FRMD3: variants seen among roughly 807,000 people sequenced by gnomAD.
The protein encoded by FRMD3 is FERM domain-containing protein 3.
Under a neutral mutation model 70.2 loss-of-function variants are expected in FRMD3, and 33 were observed. The ratio of observed to expected loss-of-function variants is 0.47; its 90% confidence interval spans 0.36 to 0.63. The LOEUF is 0.63. FRMD3 is among the 20% of genes least tolerant of loss of function. The probability of loss-of-function intolerance (pLI) is 0.00; values close to 1 mark genes in which losing one functional copy is unlikely to be tolerated. For synonymous variants in FRMD3, 279 were observed against 255.9 expected, an observed-to-expected ratio of 1.09 and a Z score of -0.86; for missense variants, 632 against 711.4, an observed-to-expected ratio of 0.89 and a Z score of 1.27.
chr9:83,333,057 T>C (rs1823443972), intron 6 of FRMD3, among the ~76,000 whole-genome samples: 2 of 152,222 alleles, frequency 1.3e-5, no homozygotes, highest in Non-Finnish European at 2.9e-5. Flanking sequence ...GTAGCAGGTT[T>C]CCCAACAGAC....
At chr9:83,327,070 T>C (rs192530230) in intron 6 of FRMD3, among the ~76,000 whole-genome samples, 16 of 152,346 alleles carry the variant, frequency 1.1e-4, no homozygotes, top group Admixed American at 6.5e-4. Context: ...TTGCCAGCAA[T>C]GAGCTGGACT....
chr9:83,531,410 C>T (rs1423923906), intron 1 of FRMD3, among the ~76,000 whole-genome samples: 1 of 152,156 alleles, frequency 6.6e-6, no homozygotes, highest in African/African-American at 2.4e-5. Flanking sequence ...GAGATAAGAT[C>T]TTAGCAGACC....
chr9:83,298,676 A>G (rs1297870805), intron 12 of FRMD3, 72 bp downstream of exon 12: 4 of 1,118,610 alleles, frequency 3.6e-6, no homozygotes, highest in Non-Finnish European at 5.5e-6. Flanking sequence ...CACTACACAA[A>G]GGGATGTTAT....
intron 13 of FRMD3, among the ~76,000 whole-genome samples, chr9:83,251,363 G>A (rs1264011721): frequency 2.6e-5 from 4 of 152,104 alleles, no homozygotes; most frequent in Non-Finnish European, 4.4e-5. Flanking sequence ...TCATTCAAAG[G>A]TCAGCAACCA....
intron 2 of FRMD3, among the ~76,000 whole-genome samples, chr9:83,380,662 A>T (rs1825326210): frequency 6.6e-6 from 1 of 152,204 alleles, no homozygotes; most frequent in Non-Finnish European, 1.5e-5. Context: ...AGACAAAAAA[A>T]ATTGCATCTA....
At chr9:83,254,339 T>G (rs1421204842) in intron 13 of FRMD3, among the ~76,000 whole-genome samples, 2 of 145,892 alleles carry the variant, frequency 1.4e-5, no homozygotes, top group African/African-American at 5.0e-5. Context: ...TTTTTAATAT[T>G]TTAAAAATAT....
chr9:83,364,819 G>T (rs139571804), intron 3 of FRMD3, among the ~76,000 whole-genome samples: 1 of 151,996 alleles, frequency 6.6e-6, no homozygotes, highest in Non-Finnish European at 1.5e-5. Context: ...TTTCCCATCC[G>T]CCAACAAGTG....
chr9:83,488,972 TTGTGTG>T (rs4014025), intron 1 of FRMD3, among the ~76,000 whole-genome samples: 142 of 135,636 alleles, frequency 1.0e-3, no homozygotes, highest in African/African-American at 1.1e-3. Flanking sequence ...CCCTATACCT[TTGTGTG>T]TGTGTGTGTG....
chr9:83,554,906 C>T, the FRMD3 span, among the ~76,000 whole-genome samples: 1 of 152,120 alleles, frequency 6.6e-6, no homozygotes, highest in African/African-American at 2.4e-5. Context: ...TTCCAGTCCC[C>T]AGCCACCTGG....
intron 1 of FRMD3, among the ~76,000 whole-genome samples, chr9:83,446,375 C>A (rs1000924721): frequency 2.6e-5 from 4 of 152,118 alleles, no homozygotes; most frequent in Non-Finnish European, 4.4e-5. Flanking sequence ...TGGCCGGGCG[C>A]GGTGGCTCAC....
intron 1 of FRMD3, among the ~76,000 whole-genome samples, chr9:83,492,098 A>G (rs1286982079): frequency 6.6e-6 from 1 of 152,228 alleles, no homozygotes; most frequent in African/African-American, 2.4e-5. Flanking sequence ...AAAGTCCCAT[A>G]GACACTAAGA....
At chr9:83,298,868 G>C in intron 11 of FRMD3, 52 bp from the exon 12 acceptor site, 3 of 1,526,454 alleles carry the variant, frequency 2.0e-6, no homozygotes, top group Non-Finnish European at 2.7e-6. Context: ...AGAAGAATGG[G>C]AGGGATATGC....
intron 1 of FRMD3, among the ~76,000 whole-genome samples, chr9:83,408,687 T>C (rs1430163519): frequency 3.3e-5 from 5 of 152,240 alleles, no homozygotes; most frequent in African/African-American, 1.2e-4. Context: ...CTAAATTTTA[T>C]TTCTTCTGAC....
At chr9:83,250,838 C>T (rs1281240971) in intron 13 of FRMD3, among the ~76,000 whole-genome samples, 2 of 152,218 alleles carry the variant, frequency 1.3e-5, no homozygotes, top group Non-Finnish European at 2.9e-5. Context: ...AGCCAGGGTT[C>T]TACAGACAGA....
intron 13 of FRMD3, among the ~76,000 whole-genome samples, chr9:83,264,163 T>C (rs1201332823): frequency 6.6e-6 from 1 of 152,170 alleles, no homozygotes; most frequent in Non-Finnish European, 1.5e-5. Context: ...CATGAAAAGC[T>C]ATAGAGGAAG....
intron 3 of FRMD3, among the ~76,000 whole-genome samples, chr9:83,368,784 A>G (rs751945016): frequency 7.9e-5 from 12 of 152,204 alleles, no homozygotes; most frequent in Non-Finnish European, 1.2e-4. Context: ...AAATGGCTAA[A>G]AGCTCCTTGA....
At chr9:83,416,973 C>CA (rs1278426754) in intron 1 of FRMD3, among the ~76,000 whole-genome samples, 1 of 152,188 alleles carries the variant, frequency 6.6e-6, no homozygotes, top group Non-Finnish European at 1.5e-5. Flanking sequence ...TTCCCAACCA[C>CA]ATTCACCAAA....
chr9:83,399,813 GAAAT>G (rs1183862603), intron 1 of FRMD3, among the ~76,000 whole-genome samples: 3 of 152,158 alleles, frequency 2.0e-5, no homozygotes, highest in Admixed American at 6.5e-5. Context: ...TTGTTAAAAA[GAAAT>G]AAATAACTTC....
chr9:83,309,019 C>T (rs138429393), intron 10 of FRMD3, among the ~76,000 whole-genome samples: 6 of 152,190 alleles, frequency 3.9e-5, no homozygotes, highest in African/African-American at 1.4e-4. Context: ...TACCATGTCC[C>T]AGAGTTCCTA....
Sources: allele counts gnomAD v4.1 joint callset (sites outside exome capture counted in the v4.1 genomes callset), GRCh38; gene constraint gnomAD v4.1.1; transcripts MANE v1.5; gene names NCBI Gene and HGNC (gene_info 2026-07-23, HGNC 2026-07-21).